KCNK17: variants seen among roughly 807,000 people sequenced by gnomAD.
KCNK17 encodes the protein potassium two pore domain channel subfamily K member 17.
In KCNK17, 27 loss-of-function variants were observed where a neutral mutation model predicts 24.6. The observed-to-expected ratio is 1.10, with a 90% CI of 0.81 to 1.51. The LOEUF (loss-of-function observed/expected upper bound fraction) is 1.51, where lower values mean the gene tolerates loss of function less well. Ranked by LOEUF, KCNK17 falls within the 40% of genes most tolerant of loss-of-function variation. The probability of loss-of-function intolerance (pLI) is 0.00; values close to 1 mark genes in which losing one functional copy is unlikely to be tolerated. For missense variants in KCNK17, 450 were observed against 436.6 expected (o/e 1.03, Z -0.27); for synonymous variants, 181 against 189.8 (o/e 0.95, Z 0.38).
At chr6:39,310,850 T>C (rs1341220346) in intron 2 of KCNK17, 43 bp downstream of exon 2, 4 of 1,329,770 alleles carry the variant, frequency 3.0e-6, no homozygotes, top group Non-Finnish European at 2.1e-6. Context: ...GGGAGCTGCC[T>C]CCTTCCCCCA....
chr6:39,301,503 C>T (rs1436394374), intron 4 of KCNK17, among the ~76,000 whole-genome samples: 2 of 152,246 alleles, frequency 1.3e-5, no homozygotes, highest in Admixed American at 6.5e-5. Context: ...GGTTATGGGG[C>T]TATGATTCCG....
chr6:39,308,626 G>A (rs770476514), intron 2 of KCNK17, among the ~76,000 whole-genome samples: 3 of 152,238 alleles, frequency 2.0e-5, no homozygotes, highest in Non-Finnish European at 2.9e-5. Context: ...ATGGATGAAT[G>A]AAAGAACCAA....
intron 2 of KCNK17, among the ~76,000 whole-genome samples, chr6:39,306,985 A>G (rs968421443): frequency 1.3e-5 from 2 of 151,980 alleles, no homozygotes; most frequent in African/African-American, 4.8e-5. Context: ...GATGGTCTCA[A>G]TCTCCTGACC....
At chr6:39,302,202 C>A (rs1326820309) in intron 4 of KCNK17, among the ~76,000 whole-genome samples, 1 of 152,178 alleles carries the variant, frequency 6.6e-6, no homozygotes, top group Non-Finnish European at 1.5e-5. Flanking sequence ...AGAAGCTCTG[C>A]CAACTGCAGT....
chr6:39,304,722 C>T (rs1583767047), intron 2 of KCNK17, 67 bp from the exon 3 acceptor site: 2 of 1,542,682 alleles, frequency 1.3e-6, no homozygotes, highest in Admixed American at 1.7e-5. Flanking sequence ...ACCACAGCCC[C>T]ACTCCTGGGC....
chr6:39,299,834 A>C (rs1055293789), intron 4 of KCNK17, 97 bp from the exon 5 acceptor site: 2 of 1,291,070 alleles, frequency 1.5e-6, no homozygotes, highest in African/African-American at 3.0e-5. Flanking sequence ...TCATATAAGC[A>C]AGTTGAGGTG....
chr6:39,307,863 C>T (rs1430828006), intron 2 of KCNK17, among the ~76,000 whole-genome samples: 1 of 152,224 alleles, frequency 6.6e-6, no homozygotes, highest in Admixed American at 6.5e-5. Flanking sequence ...CCAACCCTCT[C>T]CACCTACCTG....
At chr6:39,300,574 C>T (rs1467935338) in intron 4 of KCNK17, 6 of 1,531,204 alleles carry the variant, frequency 3.9e-6, no homozygotes, top group East Asian at 2.5e-5. Context: ...AATATGTATC[C>T]TGACTCGGTT....
rs760990793 is a variant in KCNK17 at position 39,314,186 on chromosome 6, G to T, written c.135C>A (p.Gly45=). 6.4e-7 allele frequency: 1 copy of T among 1,553,260 alleles called. No homozygotes were observed. The highest frequency in any genetic ancestry group is 8.7e-7 in the Non-Finnish European group (1 of 1,153,340). The change falls in exon 1 of 5, where the codon GGC becomes GGA. Residue 45 remains glycine, a synonymous_variant. Transcript: ENST00000373231. ...LGTGVFWTLE[G]RAAQDSSRSF... is the part of the protein sequence containing the mutation. ...TGCGGCTGGAGTCCTGCGCCGCGCG[G>T]CCCTCCAGCGTCCAGAACACGCCGG...
rs565980678 is a variant in KCNK17, at chr6:39,313,849, G to A, written c.237+235C>T. 4.0e-4 allele frequency among the ~76,000 whole-genome samples: 61 copies of A among 152,228 alleles called. 1 individual carries two copies. Among genetic ancestry groups the A allele is most frequent in the African/African-American group, 1.4e-3 (59 of 41,550 alleles). Reference sequence around the variant, plus strand: ...CTCGCCCCCAAGTAGGACTCAGCCCGGCTTCTCGCAGTCCTCTCGCTAGGG... The same window carrying A: ...CTCGCCCCCAAGTAGGACTCAGCCCAGCTTCTCGCAGTCCTCTCGCTAGGG... On this transcript the variant is annotated intron_variant, in intron 1 of 4. Coordinates refer to ENST00000373231, the MANE Select transcript of KCNK17 (RefSeq NM_031460.4).
At chr6:39,304,741 C>A in intron 2 of KCNK17, 86 bp from the exon 3 acceptor site, 3 of 1,439,416 alleles carry the variant, frequency 2.1e-6, no homozygotes, top group Non-Finnish European at 2.9e-6. Context: ...GCCCAACCCC[C>A]AGGGCCCTCA....
At position 39,303,901 on chromosome 6, in the gene KCNK17, G is replaced by C; in HGVS notation, c.688+56C>G. 4.4e-6 allele frequency: 7 copies of C among 1,574,288 alleles called. No individual in the cohort carries two copies. The South Asian group carries it at 6.7e-5, about 15-fold the overall frequency. On this transcript the variant is annotated intron_variant, in intron 4 of 4. Coordinates refer to ENST00000373231, the MANE Select transcript of KCNK17 (RefSeq NM_031460.4). ...GTGCGCCAGCTGCGGGAGCAGATGA[G>C]TGAGAGGTATAGGCAGCCGAATGTC...
chr6:39,299,381 T>A lies in KCNK17; in HGVS notation c.*46A>T. On this transcript the variant is annotated 3_prime_UTR_variant, in exon 5 of 5. Transcript: ENST00000373231. ...GGGTGGACATGTGCAAAGCTTAAAATCAGGGGTCTTGCTACCGAGGACGAC... is the reference window on the plus strand; with the variant it reads ...GGGTGGACATGTGCAAAGCTTAAAAACAGGGGTCTTGCTACCGAGGACGAC... The A allele has an allele frequency of 6.8e-7, 1 of 1,466,728 alleles. No individual in the cohort carries two copies. Among genetic ancestry groups the A allele is most frequent in the African/African-American group, 1.4e-5 (1 of 71,636 alleles). 90.9% of individuals were successfully genotyped at this position (1,466,728 alleles called of 1,614,324 possible).
At chr6:39,301,706 G>C (rs1483775568) in intron 4 of KCNK17, among the ~76,000 whole-genome samples, 2 of 152,246 alleles carry the variant, frequency 1.3e-5, no homozygotes, top group Non-Finnish European at 2.9e-5. Context: ...AATGCAATTG[G>C]GAGGCGCCAG....
intron 2 of KCNK17, among the ~76,000 whole-genome samples, chr6:39,305,332 T>A (rs1463996862): frequency 6.6e-6 from 1 of 152,232 alleles, no homozygotes; most frequent in East Asian, 1.9e-4. Context: ...TTCTCTTTTA[T>A]CCTTCAAAGG....
In KCNK17 at chr6:39,311,050, T is replaced by C. The variant is rs9471060; in HGVS notation, c.238-43A>G. On this transcript the variant is annotated intron_variant, in intron 1 of 4. Coordinates refer to ENST00000373231, the MANE Select transcript of KCNK17 (RefSeq NM_031460.4). Reference sequence around the variant, plus strand: ...ATGACCACCAGGCTCTGTGGGGTGATGGATTTCCTGTACCCCAAGATGCAC... The same window carrying C: ...ATGACCACCAGGCTCTGTGGGGTGACGGATTTCCTGTACCCCAAGATGCAC... The C allele has an allele frequency of 5.4e-3, 6,252 of 1,165,002 alleles. 154 individuals carry two copies. The African/African-American group carries it at 0.058, about 11-fold the overall frequency. 72.2% of individuals were successfully genotyped at this position (1,165,002 alleles called of 1,614,324 possible).
chr6:39,313,948 G>T, intron 1 of KCNK17, 136 bp downstream of exon 1: 1 of 649,758 alleles, frequency 1.5e-6, no homozygotes, highest in Non-Finnish European at 2.4e-6. Flanking sequence ...TTGTGCCCGC[G>T]TCTGCGTTCC....
intron 2 of KCNK17, among the ~76,000 whole-genome samples, chr6:39,308,737 C>T (rs914615389): frequency 2.0e-5 from 3 of 152,260 alleles, no homozygotes; most frequent in African/African-American, 7.2e-5. Context: ...AAGTACTGCC[C>T]TTGCAGGGTG....
rs1265746874 is a variant in KCNK17 at position 39,304,074 on chromosome 6, G to A, written c.571C>T (p.Leu191Phe). The A allele has an allele frequency of 3.7e-6, 6 of 1,612,916 alleles. No individual in the cohort carries two copies. In the South Asian group the frequency reaches 5.5e-5, roughly 15 times the overall value. The change falls in exon 4 of 5, where the codon CTC (leucine) becomes TTC (phenylalanine). Residue 191 changes from leucine to phenylalanine, a missense_variant. Leu to Phe is a conservative substitution (Grantham distance 22). Coordinates refer to ENST00000373231, the MANE Select transcript of KCNK17 (RefSeq NM_031460.4). Reference protein sequence around the residue: ...GSGALLSGLLLFLLLPPLLFS... With the variant: ...GSGALLSGLLFFLLLPPLLFS... ...AGCAGCGGTGGCAGCAGCAGGAAGA[G>A]CAGGAGGCCCGAGAGGAGGGCGCCA...
Sources: gnomAD v4.1 joint callset for allele counts (sites outside exome capture counted in the v4.1 genomes callset) on GRCh38, gnomAD v4.1.1 for gene constraint, MANE v1.5 for transcripts, NCBI Gene and HGNC (gene_info 2026-07-23, HGNC 2026-07-21) for gene names.